Variants in GBP1 observed in about 807,000 individuals in gnomAD.
GBP1 encodes the protein guanylate-binding protein 1.
Under a neutral mutation model 69.5 loss-of-function variants are expected in GBP1, and 64 were observed. The observed-to-expected ratio is 0.92, with a 90% CI of 0.75 to 1.13. The LOEUF is 1.13. Among genes scored for constraint, GBP1 ranks in the 50% most tolerant of loss-of-function variants. The probability of loss-of-function intolerance (pLI) is 0.00; values close to 1 mark genes in which losing one functional copy is unlikely to be tolerated. For synonymous variants in GBP1, 250 were observed against 261.2 expected, an observed-to-expected ratio of 0.96 and a Z score of 0.41; for missense variants, 630 against 704.1, an observed-to-expected ratio of 0.89 and a Z score of 1.19.
Position 89,058,724 on chromosome 1 carries a change from A to G in GBP1, c.631+117T>C, listed in dbSNP as rs146772361. On this transcript the variant is annotated intron_variant, in intron 5 of 10. Transcript: ENST00000370473. Reference sequence around the variant, plus strand: ...ATTCAGCAAGTATTAATTTCTAGGAATAGCCAGCTGAAGACATAGAAAACT... The same window carrying G: ...ATTCAGCAAGTATTAATTTCTAGGAGTAGCCAGCTGAAGACATAGAAAACT... 339 of 981,054 alleles carry G rather than the reference A, an allele frequency of 3.5e-4. 1 individual carries two copies. In the African/African-American group the frequency reaches 5.1e-3, roughly 15 times the overall value. 60.8% of individuals were successfully genotyped at this position (981,054 alleles called of 1,614,324 possible). A position where few individuals can be genotyped will look rare whatever the true frequency, so the allele number is the denominator to read the frequency against.
At chr1:89,056,269 A>C (rs775452252) in intron 7 of GBP1, 41 bp from the exon 8 acceptor site, 1 of 1,613,600 alleles carries the variant, frequency 6.2e-7, no homozygotes, top group Non-Finnish European at 8.5e-7. Context: ...TAACAGGGAA[A>C]GGATGTTAGC....
At chr1:89,060,592 G>A (rs1429743927) in intron 2 of GBP1, among the ~76,000 whole-genome samples, 1 of 152,156 alleles carries the variant, frequency 6.6e-6, no homozygotes, top group Non-Finnish European at 1.5e-5. Flanking sequence ...AAAACCCACA[G>A]CTAACTTCAC....
intron 10 of GBP1, 32 bp from the exon 11 acceptor site, chr1:89,053,500 T>A: frequency 6.3e-7 from 1 of 1,595,322 alleles, no homozygotes; most frequent in Non-Finnish European, 8.5e-7. Context: ...CTGAGTAAAG[T>A]GTAGCATCAG....
intron 8 of GBP1, 156 bp downstream of exon 8, chr1:89,055,860 T>C: frequency 1.2e-6 from 1 of 865,362 alleles, no homozygotes. Flanking sequence ...CTAGGACATA[T>C]CTGGTATAAC....
chr1:89,059,187 C>T lies in GBP1; in HGVS notation c.428+130G>A. Reference sequence around the variant, plus strand: ...CTAAAGTGGATACATGGGATCTCTCCTCTGTACTTGCATTATTTTTTGTTT... The same window carrying T: ...CTAAAGTGGATACATGGGATCTCTCTTCTGTACTTGCATTATTTTTTGTTT... On this transcript the variant is annotated intron_variant, in intron 4 of 10. Coordinates refer to ENST00000370473, the MANE Select transcript of GBP1 (RefSeq NM_002053.3). 3.8e-6 allele frequency: 6 copies of T among 1,592,536 alleles called. No homozygotes were observed. In the South Asian group the frequency reaches 5.6e-5, roughly 15 times the overall value.
At position 89,060,184 on chromosome 1, in the gene GBP1, C is replaced by T; in HGVS notation, c.318+13G>A. On this transcript the variant is annotated intron_variant, in intron 3 of 10. Coordinates refer to ENST00000370473, the MANE Select transcript of GBP1 (RefSeq NM_002053.3). ...GGAGGGGCTTACTCCACAACTGGAT[C>T]CTTGAGTCTCACCTTCTCTACATCT... 4 of 1,584,474 alleles carry T rather than the reference C, an allele frequency of 2.5e-6. No individual in the cohort carries two copies. Among genetic ancestry groups the T allele is most frequent in the Non-Finnish European group, 3.4e-6 (4 of 1,168,884 alleles).
intron 10 of GBP1, 35 bp from the exon 11 acceptor site, chr1:89,053,503 A>T (rs1337041373): frequency 1.3e-6 from 2 of 1,590,482 alleles, no homozygotes; most frequent in African/African-American, 1.4e-5. Context: ...AGTAAAGTGT[A>T]GCATCAGGCA....
At chr1:89,062,257 A>C (rs914167794) in intron 2 of GBP1, among the ~76,000 whole-genome samples, 5 of 152,252 alleles carry the variant, frequency 3.3e-5, no homozygotes, top group African/African-American at 9.6e-5. Flanking sequence ...AAGGTGGAAG[A>C]AATCCAAGTG....
At chr1:89,059,487 T>C in intron 3 of GBP1, 61 bp from the exon 4 acceptor site, 4 of 1,572,842 alleles carry the variant, frequency 2.5e-6, no homozygotes, top group Non-Finnish European at 3.5e-6. Context: ...CTTTTCAGAG[T>C]AACAGTAGTA....
At chr1:89,058,408 T>G in intron 5 of GBP1, 174 bp from the exon 6 acceptor site, 1 of 605,548 alleles carries the variant, frequency 1.7e-6, no homozygotes. Context: ...GGGCATAGCA[T>G]TATTCCAAAA....
chr1:89,058,929 T>C lies in GBP1; in HGVS notation c.543A>G (p.Thr181=). The C allele has an allele frequency of 6.2e-7, 1 of 1,614,106 alleles. No homozygotes were observed. The highest frequency in any genetic ancestry group is 8.5e-7 in the Non-Finnish European group (1 of 1,180,034). ...CCAAGTCCAGGGAGAAATCTCTCAG[T>C]GTCCACACAAAGTCTGGGAAGAAGC... ...FVSFFPDFVW[T]LRDFSLDLEA... Residue 181 remains threonine, a synonymous_variant, in exon 5 of 11, where the codon ACA becomes ACG. Transcript: ENST00000370473.
rs748515157 is a variant in GBP1 at position 89,056,042 on chromosome 1, A to C, written c.1342T>G (p.Tyr448Asp). 4.3e-6 allele frequency: 7 copies of C among 1,613,950 alleles called. No individual in the cohort carries two copies. Among genetic ancestry groups the C allele is most frequent in the South Asian group, 1.1e-5 (1 of 91,078 alleles). The change falls in exon 8 of 11, where the codon TAT becomes GAT. Residue 448 changes from tyrosine to aspartate, a missense_variant. Physicochemically the swap from Tyr to Asp is radical, Grantham distance 160 (BLOSUM62 -3). Transcript: ENST00000370473. ...TGTATCCCCTTCCTCGGTTCCTCAT[A>C]GTACTTTTTCTTCAGGTCTTGTAGC... The part of the protein sequence containing the change: ...QKLQDLKKKY[Y>D]EEPRKGIQAE...
rs562745652 is a variant in GBP1, at chr1:89,056,517, G to A, written c.1156-289C>T. On this transcript the variant is annotated intron_variant, in intron 7 of 10. Coordinates refer to ENST00000370473, the MANE Select transcript of GBP1 (RefSeq NM_002053.3). ...TCATATGGAATAAATGTGGCTGAAC[G>A]GAAGCCTGCTCAAGATAAGTAGGAT... Among the ~76,000 whole-genome samples, 14 of 152,292 alleles carry A rather than the reference G, an allele frequency of 9.2e-5. No individual in the cohort carries two copies. The East Asian group carries it at 1.2e-3, about 13-fold the overall frequency.
rs1200741948 is a variant in GBP1, at chr1:89,060,661, T to TG, written c.191-338_191-337insC. Reference sequence around the variant, plus strand: ...ACATCATGAACAAGAAAAGGATGCCTACTTTTGTCAATTGCATTCCACAGA... The same window carrying TG: ...ACATCATGAACAAGAAAAGGATGCCTGACTTTTGTCAATTGCATTCCACAGA... On this transcript the variant is annotated intron_variant, in intron 2 of 10. Transcript: ENST00000370473. 1.2e-4 allele frequency among the ~76,000 whole-genome samples: 19 copies of TG among 152,224 alleles called. 1 individual carries two copies. Among genetic ancestry groups the TG allele is most frequent in the Non-Finnish European group, 1.5e-5 (1 of 68,032 alleles).
chr1:89,057,231 A>T, intron 6 of GBP1, 97 bp from the exon 7 acceptor site: 1 of 1,505,388 alleles, frequency 6.6e-7, no homozygotes. Context: ...TTTTCCTCAC[A>T]GCATCAATGT....
At chr1:89,061,633 CAAT>C (rs1156636285) in intron 2 of GBP1, among the ~76,000 whole-genome samples, 2 of 151,318 alleles carry the variant, frequency 1.3e-5, no homozygotes, top group Non-Finnish European at 3.0e-5. Context: ...AAACTATAGA[CAAT>C]AAAAGAAAAA....
chr1:89,053,296 C>T lies in GBP1; in HGVS notation c.*59G>A. On this transcript the variant is annotated 3_prime_UTR_variant, in exon 11 of 11. Coordinates refer to ENST00000370473, the MANE Select transcript of GBP1 (RefSeq NM_002053.3). ...TTATCAAATGTAGTGACGCTTGTTC[C>T]AAATTCTAAAATTGTTTCAATTATG... 7.2e-7 allele frequency: 1 copy of T among 1,387,466 alleles called. No individual in the cohort carries two copies. The highest frequency in any genetic ancestry group is 1.0e-6 in the Non-Finnish European group (1 of 1,004,220). 85.9% of individuals were successfully genotyped at this position (1,387,466 alleles called of 1,614,324 possible). A position where few individuals can be genotyped will look rare whatever the true frequency, so the allele number is the denominator to read the frequency against.
At chr1:89,055,523 G>T in intron 8 of GBP1, 1 of 335,092 alleles carries the variant, frequency 3.0e-6, no homozygotes, top group Non-Finnish European at 5.5e-6. Context: ...GAGCCTGCTG[G>T]GGAATGAAGC....
rs1570936223 is a variant in GBP1 at position 89,056,040 on chromosome 1, A to G, written c.1344T>C (p.Tyr448=). The part of the protein sequence containing the change: ...QKLQDLKKKY[Y]EEPRKGIQAE... The stretch of plus-strand genomic sequence containing the variant: ...CCTGTATCCCCTTCCTCGGTTCCTC[A>G]TAGTACTTTTTCTTCAGGTCTTGTA... Residue 448 remains tyrosine, a synonymous_variant, in exon 8 of 11, where the codon TAT becomes TAC. Transcript: ENST00000370473. 5.0e-6 allele frequency: 8 copies of G among 1,613,954 alleles called. No homozygotes were observed. The highest frequency in any genetic ancestry group is 6.8e-6 in the Non-Finnish European group (8 of 1,179,864).
Sources: allele counts gnomAD v4.1 joint callset (sites outside exome capture counted in the v4.1 genomes callset), GRCh38; gene constraint gnomAD v4.1.1; transcripts MANE v1.5; gene names NCBI Gene and HGNC (gene_info 2026-07-23, HGNC 2026-07-21).